Variants in CENPW observed in about 807,000 individuals in gnomAD.
CENPW encodes centromere protein W, also known as cancer-up-regulated gene 2 protein.
CENPW carries 3 observed loss-of-function variants against 11.1 expected under a neutral mutation model. The observed-to-expected ratio is 0.27, with a 90% confidence interval of 0.12 to 0.70. The LOEUF is 0.70. Among genes scored for constraint, CENPW ranks in the 30% least tolerant of loss-of-function variants. The pLI is 0.77. For missense variants in CENPW, 100 were observed against 105.6 expected (o/e 0.95, Z 0.23); for synonymous variants, 38 against 42.0 (o/e 0.91, Z 0.37).
At chr6:126,438,419 T>C in the CENPW span, among the ~76,000 whole-genome samples, 5 of 151,800 alleles carry the variant, frequency 3.3e-5, no homozygotes, top group Admixed American at 3.3e-4. Context: ...GATCTCAACA[T>C]GACACAGAAA....
At chr6:126,381,006 T>G in the CENPW span, among the ~76,000 whole-genome samples, 1 of 152,246 alleles carries the variant, frequency 6.6e-6, no homozygotes, top group African/African-American at 2.4e-5. Context: ...CCTCCCACCC[T>G]TGATATCTGA....
the CENPW span, among the ~76,000 whole-genome samples, chr6:126,447,909 G>A: frequency 4.8e-4 from 72 of 151,386 alleles, no homozygotes; most frequent in East Asian, 0.013. Flanking sequence ...CACTTCTTGT[G>A]TTGCTCCTCC....
At chr6:126,436,532 A>C in the CENPW span, among the ~76,000 whole-genome samples, 1 of 151,878 alleles carries the variant, frequency 6.6e-6, no homozygotes, top group Non-Finnish European at 1.5e-5. Flanking sequence ...TTGGCATTGC[A>C]GGGAAATCTA....
the CENPW span, among the ~76,000 whole-genome samples, chr6:126,421,113 T>C: frequency 6.6e-6 from 1 of 152,148 alleles, no homozygotes; most frequent in African/African-American, 2.4e-5. Flanking sequence ...CTTAACTTTC[T>C]GTTACTCTTG....
chr6:126,348,445 T>G, intron 2 of CENPW, 21 bp from the exon 3 acceptor site: 1 of 1,241,348 alleles, frequency 8.1e-7, no homozygotes, highest in South Asian at 1.2e-5. Flanking sequence ...AATATGAATC[T>G]TATTTTTTTC....
chr6:126,396,077 A>G, the CENPW span, among the ~76,000 whole-genome samples: 1 of 152,088 alleles, frequency 6.6e-6, no homozygotes, highest in East Asian at 1.9e-4. Flanking sequence ...GGGCTCTACA[A>G]TCAGGAGGTG....
intron 2 of CENPW, among the ~76,000 whole-genome samples, chr6:126,347,187 CTGTAAGAATA>C (rs1289307107): frequency 6.6e-6 from 1 of 152,096 alleles, no homozygotes; most frequent in Non-Finnish European, 1.5e-5. Context: ...GAACTTGTTT[CTGTAAGAATA>C]TGTAAGAAAC....
At chr6:126,362,587 G>A in the CENPW span, among the ~76,000 whole-genome samples, 3 of 152,124 alleles carry the variant, frequency 2.0e-5, no homozygotes, top group African/African-American at 7.2e-5. Flanking sequence ...TGGGAACAGC[G>A]CTTCGTGGCT....
chr6:126,424,659 AT>A, the CENPW span, among the ~76,000 whole-genome samples: 14 of 152,214 alleles, frequency 9.2e-5, no homozygotes, highest in Non-Finnish European at 1.8e-4. Context: ...TGCTGTGCTC[AT>A]GTATTGCATT....
At chr6:126,358,413 T>A in the CENPW span, among the ~76,000 whole-genome samples, 1 of 152,200 alleles carries the variant, frequency 6.6e-6, no homozygotes, top group Admixed American at 6.5e-5. Flanking sequence ...GTTTTTATCA[T>A]GAAGAAGTGT....
the CENPW span, among the ~76,000 whole-genome samples, chr6:126,374,521 G>A: frequency 3.9e-5 from 6 of 152,182 alleles, no homozygotes; most frequent in Admixed American, 3.9e-4. Context: ...TGGTTTGGGA[G>A]TTTTGCTTCC....
At chr6:126,441,439 A>C in the CENPW span, among the ~76,000 whole-genome samples, 1 of 151,226 alleles carries the variant, frequency 6.6e-6, no homozygotes, top group Admixed American at 6.6e-5. Context: ...TAAAACTAGG[A>C]TAGTGGATTA....
At chr6:126,440,234 C>A in the CENPW span, among the ~76,000 whole-genome samples, 11 of 151,680 alleles carry the variant, frequency 7.3e-5, no homozygotes, top group African/African-American at 2.7e-4. Context: ...GTTTCCTAAG[C>A]TCTAAACGTA....
the CENPW span, among the ~76,000 whole-genome samples, chr6:126,460,156 C>T: frequency 6.6e-6 from 1 of 151,550 alleles, no homozygotes; most frequent in Admixed American, 6.6e-5. Flanking sequence ...GTCTCTAAGC[C>T]TGCAAGCACA....
chr6:126,411,900 C>T, the CENPW span, among the ~76,000 whole-genome samples: 4 of 149,124 alleles, frequency 2.7e-5, no homozygotes, highest in Admixed American at 2.7e-4. Context: ...ACCTTCCTTC[C>T]TTCCTTCCTC....
At chr6:126,478,676 C>G in the CENPW span, among the ~76,000 whole-genome samples, 1 of 151,996 alleles carries the variant, frequency 6.6e-6, no homozygotes, top group African/African-American at 2.4e-5. Context: ...CTACTACTCA[C>G]TGCTACTGGT....
the CENPW span, among the ~76,000 whole-genome samples, chr6:126,415,271 T>A: frequency 6.6e-6 from 1 of 152,156 alleles, no homozygotes; most frequent in South Asian, 2.1e-4. Flanking sequence ...ATTTCCACTT[T>A]ATTATTTATT....
the CENPW span, among the ~76,000 whole-genome samples, chr6:126,408,800 AT>A: frequency 1.5e-4 from 22 of 151,464 alleles, no homozygotes; most frequent in Admixed American, 1.4e-3. Flanking sequence ...AATCCTTTGT[AT>A]TTCTGTGGTA....
chr6:126,394,998 T>C, the CENPW span, among the ~76,000 whole-genome samples: 1 of 152,152 alleles, frequency 6.6e-6, no homozygotes, highest in East Asian at 1.9e-4. Flanking sequence ...AGTTTGATTA[T>C]TAAATGCTTG....
Sources: allele counts gnomAD v4.1 joint callset (sites outside exome capture counted in the v4.1 genomes callset), GRCh38; gene constraint gnomAD v4.1.1; transcripts MANE v1.5; gene names NCBI Gene and HGNC (gene_info 2026-07-23, HGNC 2026-07-21).